The following FOXP1 variants were observed in gnomAD, a reference collection of about 807,000 sequenced individuals.
The protein encoded by FOXP1 is forkhead box protein P1.
Under a neutral mutation model 98.2 loss-of-function variants are expected in FOXP1, and 15 were observed. The ratio of observed to expected loss-of-function variants is 0.15; its 90% CI spans 0.10 to 0.24. FOXP1 has a LOEUF of 0.24. FOXP1 is among the 10% of genes least tolerant of loss of function. The pLI is 1.00. For synonymous variants in FOXP1, 371 were observed against 314.5 expected (o/e 1.18, Z -1.90); for missense variants, 633 against 848.5 (o/e 0.75, Z 3.15).
intron 7 of FOXP1, among the ~76,000 whole-genome samples, chr3:71,060,363 C>T (rs1215268682): frequency 6.6e-6 from 1 of 152,078 alleles, no homozygotes; most frequent in Non-Finnish European, 1.5e-5. Context: ...AATGAGAAAA[C>T]ATCACTTGCT....
At chr3:71,398,709 C>G (rs554188509) in intron 3 of FOXP1, among the ~76,000 whole-genome samples, 3 of 152,180 alleles carry the variant, frequency 2.0e-5, no homozygotes, top group African/African-American at 7.2e-5. Context: ...TGCACTTTGT[C>G]TTCCTGCCAA....
In FOXP1 at chr3:71,164,133, T is replaced by C. The variant is rs188075138; in HGVS notation, c.180+34069A>G. Among the ~76,000 whole-genome samples, 114 of 152,292 alleles carry C rather than the reference T, an allele frequency of 7.5e-4. 1 individual carries two copies. Among genetic ancestry groups the C allele is most frequent in the Non-Finnish European group, 1.4e-3 (92 of 68,004 alleles). ...ATATAATCAGATGGTTTCTCTTCCA[T>C]GTTAGGGCTAGAAATAAACATGGAT... On this transcript the variant is annotated intron_variant, in intron 6 of 20. Coordinates refer to ENST00000649528, the MANE Select transcript of FOXP1 (RefSeq NM_001349338.3).
intron 2 of FOXP1, among the ~76,000 whole-genome samples, chr3:71,551,101 G>C (rs1257261528): frequency 6.6e-6 from 1 of 152,172 alleles, no homozygotes; most frequent in African/African-American, 2.4e-5. Flanking sequence ...GAGATTCTGA[G>C]GCAAATAATG....
intron 14 of FOXP1, among the ~76,000 whole-genome samples, chr3:70,984,334 A>T (rs2039380599): frequency 6.6e-6 from 1 of 152,240 alleles, no homozygotes; most frequent in Non-Finnish European, 1.5e-5. Context: ...GGAAAGGTTC[A>T]CAAGGCTGAC....
chr3:70,988,250 G>C (rs1245566226), intron 13 of FOXP1, among the ~76,000 whole-genome samples, 173 bp from the exon 14 acceptor site: 1 of 152,334 alleles, frequency 6.6e-6, no homozygotes, highest in South Asian at 2.1e-4. Context: ...GTAACCGGAG[G>C]TGTTGGTGTG....
At chr3:71,503,600 C>T (rs1430648200) in intron 2 of FOXP1, among the ~76,000 whole-genome samples, 2 of 32,408 alleles carry the variant, frequency 6.2e-5, no homozygotes, top group Non-Finnish European at 1.9e-4. Flanking sequence ...GACTCTGTCT[C>T]GAAAAAAAAA....
At chr3:71,565,495 T>TG (rs2046841442) in intron 2 of FOXP1, among the ~76,000 whole-genome samples, 1 of 152,160 alleles carries the variant, frequency 6.6e-6, no homozygotes, top group Non-Finnish European at 1.5e-5. Context: ...AATCAAGAAT[T>TG]ACTCAAGACG....
intron 3 of FOXP1, among the ~76,000 whole-genome samples, chr3:71,396,873 C>T (rs903235295): frequency 7.3e-6 from 1 of 136,358 alleles, no homozygotes; most frequent in Non-Finnish European, 1.6e-5. Context: ...TATTCATCTC[C>T]GTATAAGGTT....
At chr3:71,081,072 T>C (rs1025890439) in intron 7 of FOXP1, among the ~76,000 whole-genome samples, 14 of 152,234 alleles carry the variant, frequency 9.2e-5, no homozygotes, top group African/African-American at 3.4e-4. Flanking sequence ...ACTAAACTAA[T>C]TTTTAAAGTA....
chr3:71,422,968 G>T (rs2083782342), intron 3 of FOXP1, among the ~76,000 whole-genome samples: 1 of 152,078 alleles, frequency 6.6e-6, no homozygotes, highest in Non-Finnish European at 1.5e-5. Context: ...GACAAGTCAA[G>T]ATTTCCTTGG....
chr3:71,418,780 C>T (rs374979661), intron 3 of FOXP1, among the ~76,000 whole-genome samples: 2 of 152,190 alleles, frequency 1.3e-5, no homozygotes, highest in East Asian at 1.9e-4. Flanking sequence ...CTGTCACTAT[C>T]GCAAGAATTA....
chr3:71,060,396 C>G (rs1341058842), intron 7 of FOXP1, among the ~76,000 whole-genome samples: 1 of 152,078 alleles, frequency 6.6e-6, no homozygotes, highest in Non-Finnish European at 1.5e-5. Context: ...TCACCATTCA[C>G]TGATTTATTT....
chr3:71,380,698 ATTTTT>A (rs11395817), intron 3 of FOXP1, among the ~76,000 whole-genome samples: 14 of 100,264 alleles, frequency 1.4e-4, no homozygotes, highest in South Asian at 6.9e-4. Context: ...CTTTTTAGAC[ATTTTT>A]TTTTTTTTTT....
rs535271274 is a variant in FOXP1 at position 71,239,407 on chromosome 3, G to C, written c.-11-41015C>G. 2.3e-3 allele frequency among the ~76,000 whole-genome samples: 352 copies of C among 152,210 alleles called. 6 individuals are homozygous for C. The Middle Eastern group carries it at 0.051, about 22-fold the overall frequency. On this transcript the variant is annotated intron_variant, in intron 5 of 20. Transcript: ENST00000649528. ...AAAATACAAAAAATTTGCCAGGTGTGGTGGCACGTGCCCGTAATCCCAGCT... is the reference window on the plus strand; with the variant it reads ...AAAATACAAAAAATTTGCCAGGTGTCGTGGCACGTGCCCGTAATCCCAGCT...
At chr3:71,570,876 G>A (rs888409854) in intron 2 of FOXP1, 1 of 152,222 alleles carries the variant, frequency 6.6e-6, no homozygotes, top group Non-Finnish European at 1.5e-5. Context: ...AACGTGGACG[G>A]ACAGGGCTGT....
intron 3 of FOXP1, among the ~76,000 whole-genome samples, chr3:71,406,728 T>C (rs546740318): frequency 3.5e-4 from 54 of 152,272 alleles, no homozygotes; most frequent in Admixed American, 2.6e-3. Flanking sequence ...GATTAGGATG[T>C]AGAGCTCTTT....
intron 5 of FOXP1, among the ~76,000 whole-genome samples, chr3:71,203,980 GGAAGGAA>G (rs2063840219): frequency 6.8e-6 from 1 of 146,970 alleles, no homozygotes; most frequent in African/African-American, 2.6e-5. Context: ...AAGGAAGGAA[GGAAGGAA>G]GGAAAAGAAT....
At chr3:71,152,114 G>T (rs146318665) in intron 6 of FOXP1, among the ~76,000 whole-genome samples, 1 of 152,122 alleles carries the variant, frequency 6.6e-6, no homozygotes, top group South Asian at 2.1e-4. Context: ...AAAGAGGGTC[G>T]GAGGCTGTTC....
chr3:71,132,820 A>C (rs2059637106), intron 6 of FOXP1, among the ~76,000 whole-genome samples: 1 of 152,232 alleles, frequency 6.6e-6, no homozygotes, highest in African/African-American at 2.4e-5. Context: ...TGCAAAAAAC[A>C]ACACAAACAA....
Sources: gnomAD v4.1 joint callset for allele counts (sites outside exome capture counted in the v4.1 genomes callset) on GRCh38, gnomAD v4.1.1 for gene constraint, MANE v1.5 for transcripts, NCBI Gene and HGNC (gene_info 2026-07-23, HGNC 2026-07-21) for gene names.